The following THAP6 variants were observed in gnomAD, a reference collection of about 807,000 sequenced individuals.
The protein encoded by THAP6 is THAP domain containing 6, also known as THAP domain-containing protein 6.
A neutral mutation model predicts 20.0 loss-of-function variants in THAP6; 13 were observed. The observed-to-expected ratio is 0.65, with a 90% CI of 0.42 to 1.03. THAP6 has a LOEUF of 1.03. THAP6 is among the 50% of genes least tolerant of loss of function. THAP6 has a pLI of 0.00. For synonymous variants in THAP6, 93 were observed against 92.2 expected, an observed-to-expected ratio of 1.01 and a Z score of -0.05; for missense variants, 262 against 261.6, an observed-to-expected ratio of 1.00 and a Z score of -0.01.
At chr4:75,534,099 T>C (rs1376893454), downstream of THAP6, among the ~76,000 whole-genome samples, 1 of 152,222 alleles carries the variant, frequency 6.6e-6, no homozygotes, top group East Asian at 1.9e-4. Flanking sequence ...CTCATCCTTT[T>C]TCATGGCTGC....
chr4:75,517,184 AT>A (rs1725718210), intron 3 of THAP6: 2 of 465,400 alleles, frequency 4.3e-6, no homozygotes, highest in Admixed American at 7.1e-5. Flanking sequence ...CACCTGGCTA[AT>A]TTTTGTATTT....
At chr4:75,514,648 TG>T in intron 1 of THAP6, 128 bp downstream of exon 1, 1 of 196,664 alleles carries the variant, frequency 5.1e-6, no homozygotes, top group Non-Finnish European at 1.0e-5. Flanking sequence ...GGACGCTCAC[TG>T]GGCGCATCGT....
At chr4:75,514,349 A>C, upstream of THAP6, 1 of 1,553,254 alleles carries the variant, frequency 6.4e-7, no homozygotes, top group Non-Finnish European at 8.8e-7. Context: ...CGCCCAGAGA[A>C]GCTGCGCCTC....
chr4:75,539,710 C>T, intron 2 of THAP6: 1 of 1,246,928 alleles, frequency 8.0e-7, no homozygotes, highest in Non-Finnish European at 1.1e-6. Flanking sequence ...GGTCAACTTG[C>T]TGAACTTCTC....
At chr4:75,543,243 T>C (rs1276383848) in intron 3 of THAP6, among the ~76,000 whole-genome samples, 1 of 152,236 alleles carries the variant, frequency 6.6e-6, no homozygotes, top group Non-Finnish European at 1.5e-5. Context: ...CTCTTCTTCC[T>C]CCATTTTAAT....
At chr4:75,523,456 G>T (rs1726160935) in intron 4 of THAP6, among the ~76,000 whole-genome samples, 1 of 152,204 alleles carries the variant, frequency 6.6e-6, no homozygotes, top group East Asian at 1.9e-4. Flanking sequence ...TTAACTTGAT[G>T]TGATCCCATT....
intron 3 of THAP6, among the ~76,000 whole-genome samples, chr4:75,543,281 T>A (rs1171543083): frequency 6.6e-6 from 1 of 152,256 alleles, no homozygotes; most frequent in Non-Finnish European, 1.5e-5. Flanking sequence ...TCATTCTCTA[T>A]GTGATTTGCT....
chr4:75,533,778 A>T (rs558420961), downstream of THAP6, among the ~76,000 whole-genome samples: 1 of 151,986 alleles, frequency 6.6e-6, no homozygotes, highest in South Asian at 2.1e-4. Flanking sequence ...TTTTTTTATT[A>T]TACTTTAAGT....
intron 2 of THAP6, among the ~76,000 whole-genome samples, chr4:75,538,625 C>T (rs759762953): frequency 1.6e-4 from 24 of 152,212 alleles, no homozygotes; most frequent in Middle Eastern, 6.3e-3. Context: ...ATTGATGCCT[C>T]TTGTTGACTA....
intron 3 of THAP6, 123 bp from the exon 4 acceptor site, chr4:75,521,613 A>T: frequency 9.1e-7 from 1 of 1,095,772 alleles, no homozygotes; most frequent in Non-Finnish European, 1.3e-6. Flanking sequence ...GCTGACTTTT[A>T]AAAGCAATTT....
chr4:75,537,667 A>G (rs1331517677), intron 2 of THAP6, among the ~76,000 whole-genome samples: 6 of 152,176 alleles, frequency 3.9e-5, no homozygotes, highest in East Asian at 3.9e-4. Flanking sequence ...CGTTTCTTAC[A>G]TGGTGAAAGA....
chr4:75,539,983 ATCTTCCCTC>A, intron 2 of THAP6: 1 of 1,532,658 alleles, frequency 6.5e-7, no homozygotes, highest in Non-Finnish European at 8.7e-7. Flanking sequence ...GCCTTAAATA[ATCTTCCCTC>A]TCTTGTGGCA....
In THAP6 at chr4:75,527,640, A is replaced by T; in HGVS notation, c.*426A>T. ...TTACTTTAAATGCATTTTACTACAAAGCACAATTCATTTGTAATGCATATC... is the reference window on the plus strand; with the variant it reads ...TTACTTTAAATGCATTTTACTACAATGCACAATTCATTTGTAATGCATATC... On this transcript the variant is annotated 3_prime_UTR_variant, in exon 5 of 5. Transcript: ENST00000311638. 2.0e-6 allele frequency: 2 copies of T among 1,001,102 alleles called. No individual in the cohort carries two copies. Among genetic ancestry groups the T allele is most frequent in the Non-Finnish European group, 2.4e-6 (2 of 838,544 alleles). 62.0% of individuals were successfully genotyped at this position (1,001,102 alleles called of 1,614,324 possible).
chr4:75,514,045 G>A (rs186639389), upstream of THAP6: 39 of 1,237,812 alleles, frequency 3.2e-5, 1 homozygote, highest in Admixed American at 5.3e-4. Context: ...TGCCAAAAAC[G>A]TTCTCCTCAA....
chr4:75,524,843 C>A (rs1726266873), intron 4 of THAP6, among the ~76,000 whole-genome samples: 1 of 152,084 alleles, frequency 6.6e-6, no homozygotes, highest in Non-Finnish European at 1.5e-5. Flanking sequence ...GCAGCGTCAA[C>A]CTCCCAGGCT....
intron 4 of THAP6, chr4:75,522,489 T>C (rs993878311): frequency 6.6e-6 from 1 of 152,212 alleles, no homozygotes; most frequent in Non-Finnish European, 1.5e-5. Context: ...CAATAAATTA[T>C]TGTTGGCTAT....
chr4:75,539,770 T>C, intron 2 of THAP6: 1 of 1,513,608 alleles, frequency 6.6e-7, no homozygotes, highest in Non-Finnish European at 8.8e-7. Flanking sequence ...GTGGTGAGAA[T>C]TTTATTTCAT....
intron 4 of THAP6, among the ~76,000 whole-genome samples, chr4:75,524,479 G>A (rs1238089814): frequency 6.6e-6 from 1 of 152,110 alleles, no homozygotes; most frequent in East Asian, 1.9e-4. Flanking sequence ...TTCCTATAGT[G>A]CAACTATGCT....
intron 2 of THAP6, among the ~76,000 whole-genome samples, chr4:75,540,437 G>C (rs1175627393): frequency 6.6e-6 from 1 of 152,188 alleles, no homozygotes; most frequent in Non-Finnish European, 1.5e-5. Flanking sequence ...TTACTAAACA[G>C]ATAATCCTTG....
Sources: allele counts gnomAD v4.1 joint callset (sites outside exome capture counted in the v4.1 genomes callset), GRCh38; gene constraint gnomAD v4.1.1; transcripts MANE v1.5; gene names NCBI Gene and HGNC (gene_info 2026-07-23, HGNC 2026-07-21).